Variants in MAP4K4 observed in about 807,000 individuals in gnomAD.
MAP4K4 encodes HPK/GCK-like kinase HGK.
MAP4K4 carries 38 observed loss-of-function variants against 189.6 expected under a neutral mutation model. That is an observed-to-expected ratio of 0.20 (90% CI 0.15 to 0.26). The LOEUF (loss-of-function observed/expected upper bound fraction) is 0.26, where lower values mean the gene tolerates loss of function less well. Ranked by LOEUF, MAP4K4 falls within the 10% of genes least tolerant of loss-of-function variation. MAP4K4 has a pLI of 1.00. For missense variants in MAP4K4, 1,054 were observed against 1,726.9 expected (o/e 0.61, Z 6.91); for synonymous variants, 610 against 624.3 (o/e 0.98, Z 0.34).
intron 2 of MAP4K4, among the ~76,000 whole-genome samples, chr2:101,748,387 G>T (rs950200182): frequency 2.0e-5 from 3 of 152,186 alleles, no homozygotes; most frequent in Non-Finnish European, 4.4e-5. Context: ...AGCTTCTACT[G>T]TTCTGCTTTG....
chr2:101,743,267 G>A (rs922964028), intron 2 of MAP4K4, among the ~76,000 whole-genome samples: 1 of 152,086 alleles, frequency 6.6e-6, no homozygotes. Flanking sequence ...ATGCTCTTTT[G>A]CCTTGTTTTT....
At chr2:101,873,853 T>C in intron 25 of MAP4K4, 89 bp downstream of exon 25, 1 of 983,266 alleles carries the variant, frequency 1.0e-6, no homozygotes, top group South Asian at 1.5e-5. Flanking sequence ...AGCTGGTTGT[T>C]CACAGGCACA....
rs1304495794 is a variant in MAP4K4, at chr2:101,840,003, C to T, written c.949+9C>T. The T allele has an allele frequency of 6.3e-7, 1 of 1,579,040 alleles. No individual in the cohort carries two copies. Among genetic ancestry groups the T allele is most frequent in the African/African-American group, 1.4e-5 (1 of 72,734 alleles). On this transcript the variant is annotated intron_variant, in intron 10 of 32. Transcript: ENST00000324219. ...GAAGAGAGGCGAGAAAGGTACTAAG[C>T]CTGTTTTTGTTTTCATCCTTTAAAA...
chr2:101,860,991 C>T lies in MAP4K4; in HGVS notation c.1866+5C>T, dbSNP rs56378209. On this transcript the variant is annotated splice_donor_5th_base_variant and intron_variant, in intron 16 of 32. Coordinates refer to ENST00000324219, the Ensembl canonical transcript of MAP4K4. ...CAGAGACCAGCGGAGCCACAGGTAG[C>T]GACAGCCAGCTTTGCTGTGGTTGAG... is the stretch of plus-strand genomic sequence containing the variant. 87,884 of 1,587,452 alleles carry T rather than the reference C, an allele frequency of 0.055. 2,781 individuals carry two copies. Among genetic ancestry groups the T allele is most frequent in the Non-Finnish European group, 0.066 (77,304 of 1,167,156 alleles).
intron 2 of MAP4K4, among the ~76,000 whole-genome samples, chr2:101,723,316 ATAAAC>A (rs2053328669): frequency 6.6e-6 from 1 of 152,252 alleles, no homozygotes; most frequent in Non-Finnish European, 1.5e-5. Context: ...ATCTCACTGT[ATAAAC>A]TAATACGCTA....
chr2:101,704,964 A>G (rs546557625), intron 2 of MAP4K4, among the ~76,000 whole-genome samples: 5 of 152,278 alleles, frequency 3.3e-5, no homozygotes, highest in African/African-American at 9.6e-5. Context: ...GAGCAGGTTC[A>G]GTAATAAGAG....
At chr2:101,860,798 G>T (rs1378011898) in intron 15 of MAP4K4, 27 bp from the exon 16 acceptor site, 3 of 1,581,686 alleles carry the variant, frequency 1.9e-6, no homozygotes, top group Non-Finnish European at 2.6e-6. Context: ...CTAACACTGA[G>T]TTATGTCTTC....
At chr2:101,718,426 T>A (rs1047971316) in intron 2 of MAP4K4, among the ~76,000 whole-genome samples, 1 of 151,280 alleles carries the variant, frequency 6.6e-6, no homozygotes, top group Admixed American at 6.6e-5. Context: ...GGCATTTCAG[T>A]CCTGACTTCT....
chr2:101,720,512 A>G (rs545352234), intron 2 of MAP4K4, among the ~76,000 whole-genome samples: 3 of 152,278 alleles, frequency 2.0e-5, no homozygotes, highest in Admixed American at 2.0e-4. Context: ...AGAAACCTCC[A>G]AGGACCCAGT....
chr2:101,720,952 A>T (rs1271900992), intron 2 of MAP4K4, among the ~76,000 whole-genome samples: 1 of 152,220 alleles, frequency 6.6e-6, no homozygotes, highest in East Asian at 1.9e-4. Flanking sequence ...CCTATGAGTC[A>T]CATTAATAAA....
exon 15 of MAP4K4, chr2:101,859,694 A>G (rs2097578890): frequency 6.2e-7 from 1 of 1,612,220 alleles, no homozygotes. Flanking sequence ...GAGGCTCCAG[A>G]GGCAGTTGCA....
At chr2:101,866,635 T>C (rs2097825031) in intron 19 of MAP4K4, 56 bp downstream of exon 19, 2 of 1,583,176 alleles carry the variant, frequency 1.3e-6, no homozygotes, top group African/African-American at 1.3e-5. Flanking sequence ...GTGATCCATA[T>C]CTTGGAAGTT....
chr2:101,847,292 A>G (rs2097140196), intron 12 of MAP4K4, among the ~76,000 whole-genome samples: 1 of 152,224 alleles, frequency 6.6e-6, no homozygotes, highest in African/African-American at 2.4e-5. Context: ...TTACTATATT[A>G]TACTTTTTAA....
chr2:101,812,924 G>A (rs1012998736), intron 3 of MAP4K4, among the ~76,000 whole-genome samples: 5 of 152,086 alleles, frequency 3.3e-5, no homozygotes, highest in East Asian at 1.9e-4. Flanking sequence ...TCAGGAGATC[G>A]AGACCATCCT....
chr2:101,889,726 A>G (rs1334253960), intron 32 of MAP4K4, among the ~76,000 whole-genome samples: 3 of 152,200 alleles, frequency 2.0e-5, no homozygotes, highest in African/African-American at 7.2e-5. Context: ...TTGGCCCTGA[A>G]GAACGTTTCC....
At chr2:101,814,785 G>A (rs1576096109) in intron 3 of MAP4K4, among the ~76,000 whole-genome samples, 1 of 152,148 alleles carries the variant, frequency 6.6e-6, no homozygotes, top group Non-Finnish European at 1.5e-5. Flanking sequence ...CTCGTGTACT[G>A]TGGTGATTCA....
At chr2:101,747,221 C>T (rs544023524) in intron 2 of MAP4K4, among the ~76,000 whole-genome samples, 1 of 152,102 alleles carries the variant, frequency 6.6e-6, no homozygotes, top group South Asian at 2.1e-4. Context: ...TGGGTTCATG[C>T]GATCCTCCTG....
chr2:101,836,128 T>A (rs1437327810), intron 9 of MAP4K4, 150 bp downstream of exon 9: 2 of 610,750 alleles, frequency 3.3e-6, no homozygotes, highest in Non-Finnish European at 5.9e-6. Flanking sequence ...AAAGATGCGT[T>A]GATTTTTTTT....
At chr2:101,698,572 A>T (rs769660555) in intron 2 of MAP4K4, 34 bp downstream of exon 2, 3 of 1,597,982 alleles carry the variant, frequency 1.9e-6, no homozygotes, top group South Asian at 2.2e-5. Context: ...TTCCCGTGGC[A>T]TGTGGAAACT....
Sources: allele counts gnomAD v4.1 joint callset (sites outside exome capture counted in the v4.1 genomes callset), GRCh38; gene constraint gnomAD v4.1.1; transcripts MANE v1.5; gene names NCBI Gene and HGNC (gene_info 2026-07-23, HGNC 2026-07-21).